MBNL3: variants seen among roughly 807,000 people sequenced by gnomAD.
MBNL3 encodes muscleblind-like protein 3.
In MBNL3, 6 loss-of-function variants were observed where a neutral mutation model predicts 24.5. The observed-to-expected ratio is 0.25, with a 90% CI of 0.13 to 0.48. The LOEUF (loss-of-function observed/expected upper bound fraction) is 0.48, where lower values mean the gene tolerates loss of function less well. Among genes scored for constraint, MBNL3 ranks in the 20% least tolerant of loss-of-function variants. The pLI is 0.99. For missense variants in MBNL3, 230 were observed against 293.5 expected, an observed-to-expected ratio of 0.78 and a Z score of 1.58; for synonymous variants, 100 against 101.7, an observed-to-expected ratio of 0.98 and a Z score of 0.10.
intron 3 of MBNL3, among the ~76,000 whole-genome samples, chrX:132,395,633 A>G (rs1938036342): frequency 9.0e-6 from 1 of 111,539 alleles, no homozygotes; most frequent in African/African-American, 3.3e-5. Context: ...TAGCTCCTAC[A>G]GTAGAAATTC....
At position 132,371,304 on chromosome X, in the gene MBNL3, C is replaced by A. The variant is rs903258441; in HGVS notation, c.*8362G>T. ...CATAGCCTCTGATCTAAACTCTCTT[C>A]ACCGCAGTTTTCTATCAGCCCAACT... On this transcript the variant is annotated 3_prime_UTR_variant, in exon 9 of 9. Coordinates refer to ENST00000370853, the MANE Select transcript of MBNL3 (RefSeq NM_001386889.1). 8.9e-6 allele frequency: 1 copy of A among 112,047 alleles called. No homozygotes were observed. The allele number at this position is 112,047 out of a possible 1,213,427, so 9.2% of individuals were successfully genotyped here.
intron 1 of MBNL3, among the ~76,000 whole-genome samples, chrX:132,481,842 G>A (rs1947757146): frequency 9.0e-6 from 1 of 111,461 alleles, no homozygotes; most frequent in Non-Finnish European, 1.9e-5. Context: ...GAATCTCAGC[G>A]CATCTATATG....
chrX:132,473,130 T>C (rs1437827607), intron 1 of MBNL3, among the ~76,000 whole-genome samples: 1 of 112,078 alleles, frequency 8.9e-6, no homozygotes, highest in Non-Finnish European at 1.9e-5. Flanking sequence ...CTTCCAATTA[T>C]CAAGCAAACA....
chrX:132,387,311 T>C (rs373964754), intron 5 of MBNL3, among the ~76,000 whole-genome samples: 83 of 92,010 alleles, frequency 9.0e-4, no homozygotes, highest in African/African-American at 3.1e-3. Flanking sequence ...TCCAACTACA[T>C]GAGCAGTAGT....
intron 1 of MBNL3, among the ~76,000 whole-genome samples, chrX:132,468,657 G>A (rs766885108): frequency 7.1e-5 from 8 of 112,154 alleles, no homozygotes; most frequent in Non-Finnish European, 1.3e-4. Flanking sequence ...TTTCACAGAT[G>A]AGGAAACTGA....
chrX:132,487,908 T>G (rs1203417265), intron 1 of MBNL3, among the ~76,000 whole-genome samples: 1 of 111,935 alleles, frequency 8.9e-6, no homozygotes, highest in African/African-American at 3.3e-5. Flanking sequence ...TGTTTAGTCA[T>G]TCCCACATAC....
chrX:132,415,888 C>G (rs1943243298), intron 2 of MBNL3, among the ~76,000 whole-genome samples: 2 of 111,247 alleles, frequency 1.8e-5, no homozygotes, highest in Non-Finnish European at 1.9e-5. Context: ...ACCAAAAGTT[C>G]TATTGAAACC....
intron 3 of MBNL3, among the ~76,000 whole-genome samples, chrX:132,397,655 T>C (rs1045260471): frequency 1.8e-5 from 2 of 111,744 alleles, no homozygotes; most frequent in Non-Finnish European, 3.8e-5. Flanking sequence ...TATTGCTCAT[T>C]TGCAAGCATT....
chrX:132,386,791 C>A lies in MBNL3; in HGVS notation c.792G>T (p.Leu264=). 2 of 1,210,636 alleles carry A rather than the reference C, an allele frequency of 1.7e-6. No individual in the cohort carries two copies. The highest frequency in any genetic ancestry group is 2.2e-6 in the Non-Finnish European group (2 of 895,291). ...GTGCTGATCTCTTTGGTATCAGTTGCAGTGTACCAGGCTGCAGGGCCTGTG... is the reference window on the plus strand; with the variant it reads ...GTGCTGATCTCTTTGGTATCAGTTGAAGTGTACCAGGCTGCAGGGCCTGTG... ...ASAMALQPGT[L]QLIPKRSALE... Residue 264 remains leucine, a synonymous_variant, in exon 6 of 9, where the codon CTG becomes CTT. Coordinates refer to ENST00000370853, the MANE Select transcript of MBNL3 (RefSeq NM_001386889.1).
chrX:132,386,977 A>G (rs1053086202), intron 5 of MBNL3, among the ~76,000 whole-genome samples, 166 bp from the exon 6 acceptor site: 1 of 111,539 alleles, frequency 9.0e-6, no homozygotes, highest in African/African-American at 3.3e-5. Context: ...AAATGTAGAG[A>G]TAAGGGGGTT....
chrX:132,424,809 A>T (rs1157721610), intron 2 of MBNL3, among the ~76,000 whole-genome samples: 8 of 104,000 alleles, frequency 7.7e-5, no homozygotes, highest in Admixed American at 1.0e-4. Context: ...TTTTTTTTTT[A>T]AATCTCTGAC....
intron 3 of MBNL3, among the ~76,000 whole-genome samples, chrX:132,403,275 G>A (rs753364080): frequency 1.9e-4 from 21 of 111,582 alleles, no homozygotes; most frequent in Admixed American, 1.8e-3. Context: ...CATAGAAGAG[G>A]AACATATCAA....
intron 3 of MBNL3, among the ~76,000 whole-genome samples, chrX:132,401,166 ATTG>A (rs1940846751): frequency 8.9e-6 from 1 of 111,856 alleles, no homozygotes; most frequent in Non-Finnish European, 1.9e-5. Flanking sequence ...TAAAATAATA[ATTG>A]TTAATAAAAG....
At chrX:132,408,153 G>C (rs1603209474) in intron 2 of MBNL3, among the ~76,000 whole-genome samples, 2 of 51,077 alleles carry the variant, frequency 3.9e-5, no homozygotes, top group African/African-American at 1.5e-4. Context: ...TTTACCAATT[G>C]CAGCTGCATT....
At chrX:132,407,888 A>G (rs956636463) in intron 2 of MBNL3, among the ~76,000 whole-genome samples, 3 of 109,617 alleles carry the variant, frequency 2.7e-5, no homozygotes, top group Non-Finnish European at 3.8e-5. Context: ...ATGCTAGTTT[A>G]TACTTCTACT....
chrX:132,401,722 A>T (rs916420747), intron 3 of MBNL3, among the ~76,000 whole-genome samples: 3 of 111,558 alleles, frequency 2.7e-5, no homozygotes, highest in African/African-American at 9.8e-5. Context: ...GTAATATAAT[A>T]CATTGTAGCC....
upstream of MBNL3, chrX:132,489,053 C>T (rs1948158370): frequency 1.8e-5 from 2 of 113,351 alleles, no homozygotes; most frequent in African/African-American, 6.4e-5. Flanking sequence ...TTCCTGAAAT[C>T]ATTAGATATA....
At chrX:132,437,384 G>T (rs1945170289) in intron 2 of MBNL3, among the ~76,000 whole-genome samples, 1 of 111,756 alleles carries the variant, frequency 8.9e-6, no homozygotes, top group Non-Finnish European at 1.9e-5. Context: ...TAACTAAATA[G>T]AACTTTGTTA....
chrX:132,389,812 CA>C (rs1487370187), intron 5 of MBNL3, among the ~76,000 whole-genome samples: 1 of 111,481 alleles, frequency 9.0e-6, no homozygotes, highest in African/African-American at 3.3e-5. Flanking sequence ...CAGTGTTACA[CA>C]AATATTTTTC....
Sources: gnomAD v4.1 joint callset for allele counts (sites outside exome capture counted in the v4.1 genomes callset) on GRCh38, gnomAD v4.1.1 for gene constraint, MANE v1.5 for transcripts, NCBI Gene and HGNC (gene_info 2026-07-23, HGNC 2026-07-21) for gene names.